BNC2: variants seen among roughly 807,000 people sequenced by gnomAD.
BNC2 encodes the protein basonuclin zinc finger protein 2.
BNC2 carries 20 observed loss-of-function variants against 76.3 expected under a neutral mutation model. The observed-to-expected ratio is 0.26, with a 90% CI of 0.18 to 0.38. BNC2 has a LOEUF of 0.38. Among genes scored for constraint, BNC2 ranks in the 10% least tolerant of loss-of-function variants. BNC2 has a pLI of 1.00. For synonymous variants in BNC2, 582 were observed against 514.8 expected (o/e 1.13, Z -1.77); for missense variants, 1,382 against 1,399.8 (o/e 0.99, Z 0.20).
intron 5 of BNC2, among the ~76,000 whole-genome samples, chr9:16,440,654 T>C (rs1049656549): frequency 5.9e-5 from 9 of 152,208 alleles, no homozygotes; most frequent in Admixed American, 5.9e-4. Context: ...TCACCCTTTA[T>C]CTTCTTTCTC....
intron 1 of BNC2, among the ~76,000 whole-genome samples, chr9:16,866,388 G>T (rs1819543175): frequency 6.6e-6 from 1 of 151,452 alleles, no homozygotes; most frequent in Non-Finnish European, 1.5e-5. Flanking sequence ...CAGAAAAGGG[G>T]TTGTCCTTCA....
At chr9:16,440,476 C>T (rs74410422) in intron 5 of BNC2, among the ~76,000 whole-genome samples, 1,702 of 152,266 alleles carry the variant, frequency 0.011, 26 homozygotes, top group African/African-American at 0.039. Flanking sequence ...CAGGCTGAGC[C>T]TCAATCTGAG....
chr9:16,574,007 A>G (rs113397302), intron 4 of BNC2, among the ~76,000 whole-genome samples: 1 of 152,210 alleles, frequency 6.6e-6, no homozygotes, highest in African/African-American at 2.4e-5. Context: ...AGAAGTCACC[A>G]TTTATGACAT....
chr9:16,811,492 C>T (rs1039958819), intron 1 of BNC2, among the ~76,000 whole-genome samples: 3 of 126,742 alleles, frequency 2.4e-5, no homozygotes, highest in African/African-American at 5.9e-5. Flanking sequence ...ACGGAGGTTG[C>T]GGTGAGCCGA....
chr9:16,833,730 C>T (rs535762029), intron 1 of BNC2, among the ~76,000 whole-genome samples: 5 of 152,138 alleles, frequency 3.3e-5, no homozygotes, highest in East Asian at 1.9e-4. Flanking sequence ...AAGGGAATGA[C>T]GGGTGGCTAA....
intron 3 of BNC2, among the ~76,000 whole-genome samples, chr9:16,651,792 G>A (rs1031810066): frequency 6.6e-6 from 1 of 151,986 alleles, no homozygotes; most frequent in Non-Finnish European, 1.5e-5. Context: ...ACAAGGCAAG[G>A]GATAACTCAA....
intron 1 of BNC2, among the ~76,000 whole-genome samples, chr9:16,750,697 G>A (rs1393788526): frequency 1.3e-5 from 2 of 152,156 alleles, no homozygotes; most frequent in African/African-American, 2.4e-5. Flanking sequence ...TGCCAAAACC[G>A]CTGCCACCCT....
intron 1 of BNC2, among the ~76,000 whole-genome samples, chr9:16,768,037 C>T (rs1448191796): frequency 6.7e-6 from 1 of 150,294 alleles, no homozygotes; most frequent in African/African-American, 2.5e-5. Context: ...ACAATCTTGG[C>T]TCACTGCAAC....
At chr9:16,500,388 C>T (rs754962011) in intron 5 of BNC2, among the ~76,000 whole-genome samples, 6 of 152,104 alleles carry the variant, frequency 3.9e-5, no homozygotes, top group Non-Finnish European at 7.4e-5. Flanking sequence ...AAATGTATAG[C>T]ACTTGTCTCG....
intron 5 of BNC2, among the ~76,000 whole-genome samples, chr9:16,473,972 A>G (rs1821879230): frequency 1.3e-5 from 2 of 152,214 alleles, no homozygotes; most frequent in Admixed American, 6.5e-5. Context: ...CTTACCACTC[A>G]GGGGGCAGTC....
intron 5 of BNC2, among the ~76,000 whole-genome samples, chr9:16,481,205 A>C (rs950010992): frequency 5.9e-5 from 9 of 152,158 alleles, no homozygotes; most frequent in African/African-American, 2.2e-4. Context: ...TTGTAAACGC[A>C]CCAATCAGCG....
intron 3 of BNC2, among the ~76,000 whole-genome samples, chr9:16,663,961 G>C (rs940215372): frequency 6.6e-6 from 1 of 152,138 alleles, no homozygotes; most frequent in Non-Finnish European, 1.5e-5. Flanking sequence ...AAACAAGGGA[G>C]GAGGTAAGCC....
chr9:16,653,282 G>C (rs1393836306), intron 3 of BNC2, among the ~76,000 whole-genome samples: 1 of 152,048 alleles, frequency 6.6e-6, no homozygotes, highest in Non-Finnish European at 1.5e-5. Flanking sequence ...CAAAGCTTTT[G>C]AAATAGAGAA....
At chr9:16,760,225 G>A (rs868109950) in intron 1 of BNC2, among the ~76,000 whole-genome samples, 22 of 151,986 alleles carry the variant, frequency 1.4e-4, no homozygotes, top group African/African-American at 5.3e-4. Context: ...ACCTCCTCAA[G>A]GTGAGTAGTA....
intron 1 of BNC2, among the ~76,000 whole-genome samples, chr9:16,856,244 T>A (rs1353163724): frequency 1.3e-5 from 2 of 148,550 alleles, no homozygotes; most frequent in Non-Finnish European, 3.0e-5. Context: ...CAGTTTCTCA[T>A]CCATATTTCT....
intron 1 of BNC2, among the ~76,000 whole-genome samples, chr9:16,832,933 C>G (rs1818615063): frequency 6.6e-6 from 1 of 151,934 alleles, no homozygotes. Flanking sequence ...ACCATGTTGG[C>G]CAGGATAGTC....
chr9:16,526,973 C>G (rs566061772), intron 5 of BNC2, among the ~76,000 whole-genome samples: 1 of 152,270 alleles, frequency 6.6e-6, no homozygotes, highest in South Asian at 2.1e-4. Flanking sequence ...AGAGCAGTAG[C>G]AGTTTCCTGA....
chr9:16,463,654 A>T (rs954354890), intron 5 of BNC2, among the ~76,000 whole-genome samples: 1 of 152,170 alleles, frequency 6.6e-6, no homozygotes, highest in African/African-American at 2.4e-5. Flanking sequence ...CACCGCACTG[A>T]CAAAAACAGA....
intron 3 of BNC2, among the ~76,000 whole-genome samples, chr9:16,592,015 G>A (rs1276619541): frequency 1.3e-5 from 2 of 152,074 alleles, no homozygotes; most frequent in Admixed American, 1.3e-4. Flanking sequence ...GCCTGGGTTT[G>A]CTGGACTCAC....
Sources: allele counts gnomAD v4.1 joint callset (sites outside exome capture counted in the v4.1 genomes callset), GRCh38; gene constraint gnomAD v4.1.1; transcripts MANE v1.5; gene names NCBI Gene and HGNC (gene_info 2026-07-23, HGNC 2026-07-21).